Variants in AFF2 observed in about 807,000 individuals in gnomAD.
The protein encoded by AFF2 is AF4/FMR2 family member 2.
A neutral mutation model predicts 76.9 loss-of-function variants in AFF2; 14 were observed. The observed-to-expected ratio is 0.18, with a 90% CI of 0.12 to 0.28. AFF2 has a LOEUF of 0.28. Among genes scored for constraint, AFF2 ranks in the 10% least tolerant of loss-of-function variants. AFF2 has a pLI of 1.00. For missense variants in AFF2, 868 were observed against 1,001.1 expected, an observed-to-expected ratio of 0.87 and a Z score of 1.79; for synonymous variants, 398 against 366.7, an observed-to-expected ratio of 1.09 and a Z score of -0.98.
chrX:148,713,479 A>G (rs1304755430), intron 3 of AFF2, among the ~76,000 whole-genome samples: 2 of 112,203 alleles, frequency 1.8e-5, no homozygotes, highest in Non-Finnish European at 3.8e-5. Context: ...TTGGTCTTGC[A>G]GTGAAGAATG....
intron 3 of AFF2, among the ~76,000 whole-genome samples, chrX:148,774,773 C>A (rs1557268408): frequency 8.9e-6 from 1 of 111,899 alleles, no homozygotes; most frequent in Non-Finnish European, 1.9e-5. Context: ...CAGTTTATAG[C>A]TAACTGGACA....
At chrX:148,827,993 T>C (rs1001660034) in intron 4 of AFF2, among the ~76,000 whole-genome samples, 2 of 105,753 alleles carry the variant, frequency 1.9e-5, no homozygotes, top group African/African-American at 6.7e-5. Flanking sequence ...TGTGAGGATA[T>C]AGCATGTCAT....
intron 8 of AFF2, among the ~76,000 whole-genome samples, chrX:148,893,761 A>C (rs1399832286): frequency 3.6e-5 from 4 of 112,111 alleles, no homozygotes; most frequent in Non-Finnish European, 7.5e-5. Context: ...CAAAGAGCAC[A>C]CAGCACATAT....
At chrX:148,511,762 G>A (rs1423857589) in intron 1 of AFF2, among the ~76,000 whole-genome samples, 1 of 112,785 alleles carries the variant, frequency 8.9e-6, no homozygotes, top group Non-Finnish European at 1.9e-5. Flanking sequence ...AGAGCCCCAA[G>A]TCCAACTCAG....
At chrX:148,889,873 G>T (rs2036221572) in intron 8 of AFF2, among the ~76,000 whole-genome samples, 1 of 111,408 alleles carries the variant, frequency 9.0e-6, no homozygotes, top group Non-Finnish European at 1.9e-5. Context: ...GTCATACTGG[G>T]GATTCAATGA....
intron 3 of AFF2, among the ~76,000 whole-genome samples, chrX:148,754,435 T>C (rs143539928): frequency 2.7e-5 from 3 of 110,553 alleles, no homozygotes; most frequent in Non-Finnish European, 3.8e-5. Context: ...TTTCTTCCCG[T>C]CAATACATTT....
chrX:148,581,020 CAT>C (rs10535323), intron 1 of AFF2, among the ~76,000 whole-genome samples: 3,482 of 35,598 alleles, frequency 0.098, 317 homozygotes, highest in East Asian at 0.43. Flanking sequence ...TACACACAAA[CAT>C]ATGTGTATAT....
intron 1 of AFF2, among the ~76,000 whole-genome samples, chrX:148,571,238 A>G (rs1390870202): frequency 9.0e-6 from 1 of 111,647 alleles, no homozygotes; most frequent in Non-Finnish European, 1.9e-5. Context: ...TCAAAGTTCT[A>G]CCATTAGGCC....
At chrX:148,765,832 C>T (rs1557267667) in intron 3 of AFF2, among the ~76,000 whole-genome samples, 1 of 102,781 alleles carries the variant, frequency 9.7e-6, no homozygotes, top group Admixed American at 1.0e-4. Context: ...TTAGGTATAT[C>T]TCCCAATGCT....
chrX:148,852,088 G>T (rs1465794163), intron 7 of AFF2, among the ~76,000 whole-genome samples: 1 of 111,476 alleles, frequency 9.0e-6, no homozygotes, highest in Non-Finnish European at 1.9e-5. Context: ...AGCATTCCAT[G>T]GGATATATGT....
At chrX:148,700,585 T>A (rs2054778235) in intron 3 of AFF2, among the ~76,000 whole-genome samples, 1 of 110,463 alleles carries the variant, frequency 9.1e-6, no homozygotes, top group East Asian at 2.8e-4. Flanking sequence ...TCCAATAAGC[T>A]CTTCTGTCCT....
At chrX:148,754,848 C>G (rs1485711317) in intron 3 of AFF2, among the ~76,000 whole-genome samples, 2 of 111,510 alleles carry the variant, frequency 1.8e-5, no homozygotes, top group African/African-American at 3.3e-5. Flanking sequence ...ACACGTAACC[C>G]CTGCCCTCCG....
intron 3 of AFF2, among the ~76,000 whole-genome samples, chrX:148,723,949 G>A (rs1487422211): frequency 9.9e-6 from 1 of 101,519 alleles, no homozygotes; most frequent in African/African-American, 3.6e-5. Flanking sequence ...ATGATGGTGG[G>A]GGCATTGGAC....
At chrX:148,501,291 C>G (rs1355394837) in intron 1 of AFF2, 147 bp downstream of exon 1, 2 of 737,195 alleles carry the variant, frequency 2.7e-6, no homozygotes, top group Non-Finnish European at 4.0e-6. Context: ...TGGCCCCGGC[C>G]GCGCTGACTC....
intron 1 of AFF2, among the ~76,000 whole-genome samples, chrX:148,505,313 T>A (rs2052399206): frequency 8.9e-6 from 1 of 111,996 alleles, no homozygotes; most frequent in Admixed American, 9.4e-5. Flanking sequence ...GCACATCTAT[T>A]GGACACGGAA....
rs182335063 is a variant in AFF2, at chrX:148,953,436, C to T, written c.1398-144C>T. 403 of 624,830 alleles carry T rather than the reference C, an allele frequency of 6.4e-4. 2 individuals carry two copies. In the African/African-American group the frequency reaches 8.2e-3, roughly 13 times the overall value. 51.5% of individuals were successfully genotyped at this position (624,830 alleles called of 1,213,427 possible). A position where few individuals can be genotyped will look rare whatever the true frequency, so the allele number is the denominator to read the frequency against. ...GGGCCAGTCACTGGGCCTCCTAAGC[C>T]TCACGTTTCCTATCTATAAAATGGG... On this transcript the variant is annotated intron_variant, in intron 9 of 20. Coordinates refer to ENST00000370460, the MANE Select transcript of AFF2 (RefSeq NM_002025.4).
At chrX:148,507,561 T>A (rs1465635159) in intron 1 of AFF2, among the ~76,000 whole-genome samples, 1 of 112,010 alleles carries the variant, frequency 8.9e-6, no homozygotes, top group Non-Finnish European at 1.9e-5. Flanking sequence ...ATGACTTGTA[T>A]TTCATCATGA....
intron 3 of AFF2, among the ~76,000 whole-genome samples, chrX:148,695,254 A>G (rs1039038740): frequency 1.8e-5 from 2 of 112,141 alleles, no homozygotes; most frequent in African/African-American, 6.5e-5. Context: ...TCGTATGGTC[A>G]GGCCCCATCT....
chrX:148,981,527 A>G lies in AFF2; in HGVS notation c.3623+737A>G, dbSNP rs781937249. ...ATGCCCTCGAAGTCCCACTGAAGAGATGTCTCTTATAGAGAGTGAGTTCGA... is the reference window on the plus strand; with the variant it reads ...ATGCCCTCGAAGTCCCACTGAAGAGGTGTCTCTTATAGAGAGTGAGTTCGA... On this transcript the variant is annotated intron_variant, in intron 19 of 20. Transcript: ENST00000370460. Among the ~76,000 whole-genome samples the G allele has an allele frequency of 8.1e-5, 9 of 111,139 alleles. No individual in the cohort carries two copies. The East Asian group carries it at 2.3e-3, about 28-fold the overall frequency.
Sources: allele counts gnomAD v4.1 joint callset (sites outside exome capture counted in the v4.1 genomes callset), GRCh38; gene constraint gnomAD v4.1.1; transcripts MANE v1.5; gene names NCBI Gene and HGNC (gene_info 2026-07-23, HGNC 2026-07-21).